TMEM266: variants seen among roughly 807,000 people sequenced by gnomAD.
The protein encoded by TMEM266 is transmembrane protein 266.
In TMEM266, 33 loss-of-function variants were observed where a neutral mutation model predicts 50.5. The ratio of observed to expected loss-of-function variants is 0.65; its 90% CI spans 0.50 to 0.87. The LOEUF (loss-of-function observed/expected upper bound fraction) is 0.87, where lower values mean the gene tolerates loss of function less well. Among genes scored for constraint, TMEM266 ranks in the 40% least tolerant of loss-of-function variants. TMEM266 has a pLI of 0.00. For missense variants in TMEM266, 655 were observed against 695.1 expected, an observed-to-expected ratio of 0.94 and a Z score of 0.65; for synonymous variants, 310 against 292.3, an observed-to-expected ratio of 1.06 and a Z score of -0.62.
chr15:76,109,547 G>A (rs1056356065), intron 1 of TMEM266, among the ~76,000 whole-genome samples: 5 of 152,244 alleles, frequency 3.3e-5, no homozygotes, highest in South Asian at 2.1e-4. Context: ...CTGGGGTCCC[G>A]ACAACATGGG....
intron 1 of TMEM266, among the ~76,000 whole-genome samples, chr15:76,080,452 A>G (rs1036940719): frequency 1.3e-5 from 2 of 150,182 alleles, no homozygotes; most frequent in African/African-American, 4.9e-5. Context: ...GGGTTTCACT[A>G]TGTTGGTCAG....
chr15:76,187,002 C>T (rs951071046), intron 8 of TMEM266, among the ~76,000 whole-genome samples: 3 of 152,188 alleles, frequency 2.0e-5, no homozygotes, highest in African/African-American at 7.2e-5. Context: ...CTCTCGGAGG[C>T]GACTTGTTCC....
At chr15:76,159,941 C>T (rs926796039) in intron 4 of TMEM266, among the ~76,000 whole-genome samples, 154 bp from the exon 5 acceptor site, 13 of 152,248 alleles carry the variant, frequency 8.5e-5, no homozygotes, top group African/African-American at 3.1e-4. Context: ...CCAGCTGAAG[C>T]TGCCCTTGCT....
chr15:76,060,967 T>C (rs1219153376), intron 1 of TMEM266, among the ~76,000 whole-genome samples: 1 of 152,220 alleles, frequency 6.6e-6, no homozygotes, highest in African/African-American at 2.4e-5. Context: ...TTATATGATT[T>C]GTTTATATTC....
intron 1 of TMEM266, among the ~76,000 whole-genome samples, chr15:76,096,695 T>A (rs530916376): frequency 6.6e-6 from 1 of 152,032 alleles, no homozygotes; most frequent in Non-Finnish European, 1.5e-5. Context: ...TGTCTAATAC[T>A]GACAGGTGGG....
Position 76,142,747 on chromosome 15 carries a change from C to A in TMEM266, c.227+4852C>A, listed in dbSNP as rs191538703. 5.9e-5 allele frequency among the ~76,000 whole-genome samples: 9 copies of A among 152,314 alleles called. No homozygotes were observed. The East Asian group carries it at 1.7e-3, about 29-fold the overall frequency. Reference sequence around the variant, plus strand: ...ATCTTGGCCAAGCTCCTTGACTTGCCTAGAAGCCCTTTGTCCTCCAGATAG... The same window carrying A: ...ATCTTGGCCAAGCTCCTTGACTTGCATAGAAGCCCTTTGTCCTCCAGATAG... On this transcript the variant is annotated intron_variant, in intron 3 of 10. Transcript: ENST00000388942.
At chr15:76,199,651 C>T (rs1261401011) in intron 9 of TMEM266, among the ~76,000 whole-genome samples, 1 of 152,160 alleles carries the variant, frequency 6.6e-6, no homozygotes, top group African/African-American at 2.4e-5. Context: ...CATCGGATCT[C>T]GGGGCACTTG....
chr15:76,201,513 G>C (rs917085261), intron 9 of TMEM266, among the ~76,000 whole-genome samples: 1 of 152,156 alleles, frequency 6.6e-6, no homozygotes, highest in Non-Finnish European at 1.5e-5. Context: ...TAGTAGTTGG[G>C]ACCACAGGTG....
chr15:76,164,351 G>A (rs931871560), intron 5 of TMEM266, among the ~76,000 whole-genome samples: 2 of 152,002 alleles, frequency 1.3e-5, no homozygotes, highest in African/African-American at 2.4e-5. Flanking sequence ...GATTACAGTC[G>A]TGCATCACCA....
intron 1 of TMEM266, among the ~76,000 whole-genome samples, chr15:76,106,756 T>C (rs2037086431): frequency 6.6e-6 from 1 of 152,238 alleles, no homozygotes; most frequent in Non-Finnish European, 1.5e-5. Context: ...TACAACATGA[T>C]GCTTTGAAAC....
At position 76,114,502 on chromosome 15, in the gene TMEM266, A is replaced by G. The variant is rs113041333; in HGVS notation, c.-96-19666A>G. 1.5e-3 allele frequency among the ~76,000 whole-genome samples: 234 copies of G among 152,320 alleles called. 2 individuals are homozygous for G. The highest frequency in any genetic ancestry group is 5.4e-3 in the African/African-American group (226 of 41,564). ...CACTGCACTTCAGCCTGGGTGATAG[A>G]GTGAGACCCTGTCTCAAAAACAAAA... On this transcript the variant is annotated intron_variant, in intron 1 of 10. Transcript: ENST00000388942.
chr15:76,164,223 C>T (rs917081665), intron 5 of TMEM266, among the ~76,000 whole-genome samples: 5 of 151,978 alleles, frequency 3.3e-5, no homozygotes, highest in Admixed American at 6.6e-5. Flanking sequence ...TTTTTCTTTT[C>T]GAGACAGGGT....
At chr15:76,142,440 A>G (rs1263591272) in intron 3 of TMEM266, among the ~76,000 whole-genome samples, 1 of 152,214 alleles carries the variant, frequency 6.6e-6, no homozygotes, top group African/African-American at 2.4e-5. Flanking sequence ...TTGGGTATAT[A>G]TCCAAAAGCG....
At chr15:76,067,101 A>T (rs2036437734) in intron 1 of TMEM266, among the ~76,000 whole-genome samples, 1 of 152,224 alleles carries the variant, frequency 6.6e-6, no homozygotes, top group South Asian at 2.1e-4. Context: ...AAAACTCAGC[A>T]TCTTTCTAGT....
chr15:76,148,730 C>G (rs1472061754), intron 3 of TMEM266, among the ~76,000 whole-genome samples: 1 of 5,424 alleles, frequency 1.8e-4, no homozygotes, highest in Middle Eastern at 0.056. Flanking sequence ...CCCCTTCACC[C>G]CCCACCTGAG....
intron 1 of TMEM266, among the ~76,000 whole-genome samples, chr15:76,108,870 A>G (rs1205001752): frequency 6.6e-6 from 1 of 152,220 alleles, no homozygotes. Context: ...AATTCAGGGT[A>G]CAAGTCTCCT....
intron 1 of TMEM266, among the ~76,000 whole-genome samples, chr15:76,080,769 G>A (rs1052180325): frequency 6.6e-6 from 1 of 151,774 alleles, no homozygotes; most frequent in African/African-American, 2.4e-5. Context: ...TTTTTTAGGA[G>A]ACTGTCTCGC....
At position 76,097,672 on chromosome 15, in the gene TMEM266, A is replaced by G. The variant is rs192103969; in HGVS notation, c.-96-36496A>G. Among the ~76,000 whole-genome samples the G allele has an allele frequency of 8.7e-4, 130 of 149,966 alleles. 1 individual carries two copies. The highest frequency in any genetic ancestry group is 1.9e-4 in the Non-Finnish European group (13 of 67,218). On this transcript the variant is annotated intron_variant, in intron 1 of 10. Transcript: ENST00000388942. ...TGCTAGGTTGGGGAAGTTCTCCCCA[A>G]CCTAGATAATATCCTGAAGAGTGTT...
chr15:76,128,665 C>A (rs1037231369), intron 1 of TMEM266, among the ~76,000 whole-genome samples: 24 of 152,280 alleles, frequency 1.6e-4, no homozygotes, highest in Admixed American at 9.8e-4. Flanking sequence ...CTCAGCATTC[C>A]CATCGTCATA....
Sources: allele counts gnomAD v4.1 joint callset (sites outside exome capture counted in the v4.1 genomes callset), GRCh38; gene constraint gnomAD v4.1.1; transcripts MANE v1.5; gene names NCBI Gene and HGNC (gene_info 2026-07-23, HGNC 2026-07-21).